Variants in CNTNAP2 observed in about 807,000 individuals in gnomAD.
CNTNAP2 encodes the protein contactin-associated protein-like 2.
CNTNAP2 carries 98 observed loss-of-function variants against 155.2 expected under a neutral mutation model. The observed-to-expected ratio is 0.63, with a 90% CI of 0.54 to 0.75. CNTNAP2 has a LOEUF of 0.75. Ranked by LOEUF, CNTNAP2 falls within the 30% of genes least tolerant of loss-of-function variation. The pLI, the probability that CNTNAP2 is intolerant of heterozygous loss-of-function variation, is 0.00. For missense variants in CNTNAP2, 1,727 were observed against 1,688.1 expected (o/e 1.02, Z -0.40); for synonymous variants, 651 against 631.2 (o/e 1.03, Z -0.47).
chr7:147,257,893 C>T (rs1247971660), intron 8 of CNTNAP2, among the ~76,000 whole-genome samples: 1 of 152,136 alleles, frequency 6.6e-6, no homozygotes, highest in Non-Finnish European at 1.5e-5. Context: ...GGCAACAGAA[C>T]AGATTGCATC....
intron 15 of CNTNAP2, among the ~76,000 whole-genome samples, chr7:148,061,744 T>C (rs1416342105): frequency 6.6e-6 from 1 of 152,080 alleles, no homozygotes; most frequent in Non-Finnish European, 1.5e-5. Context: ...ATAAATCATC[T>C]ATTCAGAAAG....
At chr7:147,497,534 C>T (rs952611073) in intron 11 of CNTNAP2, among the ~76,000 whole-genome samples, 1 of 152,172 alleles carries the variant, frequency 6.6e-6, no homozygotes, top group Admixed American at 6.5e-5. Flanking sequence ...GCCCATCCAA[C>T]TACACTGGAT....
chr7:146,358,128 G>A (rs1333204637), intron 1 of CNTNAP2, among the ~76,000 whole-genome samples: 6 of 151,990 alleles, frequency 3.9e-5, no homozygotes, highest in South Asian at 2.1e-4. Context: ...TCCGCCTGCC[G>A]GGTTCACGCC....
chr7:147,032,299 C>A (rs1054622156), intron 3 of CNTNAP2, among the ~76,000 whole-genome samples: 6 of 152,092 alleles, frequency 3.9e-5, no homozygotes, highest in Non-Finnish European at 1.5e-5. Context: ...TCAAGTAACC[C>A]CACTATGCAT....
At chr7:146,143,079 G>T (rs144663315) in intron 1 of CNTNAP2, among the ~76,000 whole-genome samples, 16 of 152,230 alleles carry the variant, frequency 1.1e-4, no homozygotes, top group African/African-American at 3.4e-4. Flanking sequence ...TGGATTGCTA[G>T]GCTGCCATTG....
chr7:148,257,188 C>A (rs1038963565), intron 20 of CNTNAP2, among the ~76,000 whole-genome samples: 3 of 152,132 alleles, frequency 2.0e-5, no homozygotes, highest in Admixed American at 1.3e-4. Flanking sequence ...TGCCCCCTAC[C>A]CCTCTGATCT....
chr7:146,454,783 A>G (rs1796531743), intron 1 of CNTNAP2, among the ~76,000 whole-genome samples: 1 of 152,104 alleles, frequency 6.6e-6, no homozygotes, highest in Non-Finnish European at 1.5e-5. Flanking sequence ...ATAGATAGAT[A>G]ATAGATAAAA....
At chr7:146,906,577 C>T (rs1015460102) in intron 3 of CNTNAP2, among the ~76,000 whole-genome samples, 9 of 152,160 alleles carry the variant, frequency 5.9e-5, no homozygotes, top group Admixed American at 2.6e-4. Context: ...TCCAACAGAC[C>T]TGCAGCTGAG....
At chr7:146,942,244 A>G (rs1797072038) in intron 3 of CNTNAP2, among the ~76,000 whole-genome samples, 1 of 152,144 alleles carries the variant, frequency 6.6e-6, no homozygotes, top group South Asian at 2.1e-4. Context: ...TCTCTACATA[A>G]CTAAACTATC....
intron 13 of CNTNAP2, among the ~76,000 whole-genome samples, chr7:147,772,480 A>ATATATATATATG (rs1469552699): frequency 7.7e-6 from 1 of 130,464 alleles, no homozygotes; most frequent in Non-Finnish European, 1.6e-5. Context: ...ATATATATAT[A>ATATATATATATG]TATACACACA....
intron 1 of CNTNAP2, among the ~76,000 whole-genome samples, chr7:146,611,250 C>G (rs1799131487): frequency 6.6e-6 from 1 of 152,100 alleles, no homozygotes; most frequent in South Asian, 2.1e-4. Context: ...TTAGGCCCAG[C>G]TAATTTTTGC....
intron 13 of CNTNAP2, chr7:147,672,906 A>G (rs1380992440): frequency 6.6e-6 from 1 of 152,214 alleles, no homozygotes; most frequent in Non-Finnish European, 1.5e-5. Flanking sequence ...AAGGATACCC[A>G]AAGCCAAGTT....
intron 21 of CNTNAP2, among the ~76,000 whole-genome samples, chr7:148,302,453 C>T (rs1216406622): frequency 1.3e-5 from 2 of 152,136 alleles, no homozygotes; most frequent in Non-Finnish European, 2.9e-5. Flanking sequence ...TTTTCAGCCT[C>T]CCAAAGCTGC....
intron 8 of CNTNAP2, among the ~76,000 whole-genome samples, chr7:147,284,741 A>T (rs1805138433): frequency 6.6e-6 from 1 of 151,898 alleles, no homozygotes; most frequent in African/African-American, 2.4e-5. Context: ...TGCCACTAGG[A>T]GTAAGAAAAA....
chr7:148,217,167 C>A, intron 18 of CNTNAP2, 121 bp from the exon 19 acceptor site: 2 of 874,418 alleles, frequency 2.3e-6, no homozygotes, highest in Non-Finnish European at 3.8e-6. Flanking sequence ...CTCCATAGAA[C>A]TTACTCAGAT....
intron 1 of CNTNAP2, among the ~76,000 whole-genome samples, chr7:146,678,284 G>A (rs1352833712): frequency 6.6e-6 from 1 of 151,964 alleles, no homozygotes; most frequent in South Asian, 2.1e-4. Flanking sequence ...GGCCGGGCTG[G>A]TTTAGTCTCA....
intron 1 of CNTNAP2, among the ~76,000 whole-genome samples, chr7:146,479,633 T>C (rs1023394375): frequency 6.6e-6 from 1 of 152,018 alleles, no homozygotes; most frequent in African/African-American, 2.4e-5. Flanking sequence ...TTATCAACTT[T>C]ATAAACAAAT....
intron 13 of CNTNAP2, among the ~76,000 whole-genome samples, chr7:147,817,862 G>A (rs1207549617): frequency 6.8e-6 from 1 of 146,080 alleles, no homozygotes; most frequent in Non-Finnish European, 1.5e-5. Flanking sequence ...CTGAGATGGT[G>A]CCACTGCACT....
At chr7:146,949,052 C>A (rs1014573935) in intron 3 of CNTNAP2, among the ~76,000 whole-genome samples, 2 of 152,120 alleles carry the variant, frequency 1.3e-5, no homozygotes, top group Non-Finnish European at 2.9e-5. Context: ...TATGAGAAGA[C>A]ACTGCAAGAG....
Sources: allele counts gnomAD v4.1 joint callset (sites outside exome capture counted in the v4.1 genomes callset), GRCh38; gene constraint gnomAD v4.1.1; transcripts MANE v1.5; gene names NCBI Gene and HGNC (gene_info 2026-07-23, HGNC 2026-07-21).